The following ZGRF1 variants were observed in gnomAD, a reference collection of about 807,000 sequenced individuals.
The protein encoded by ZGRF1 is zinc finger GRF-type containing 1.
A neutral mutation model predicts 203.5 loss-of-function variants in ZGRF1; 196 were observed. That is an observed-to-expected ratio of 0.96 (90% CI 0.86 to 1.08). The LOEUF (loss-of-function observed/expected upper bound fraction) is 1.08. Ranked by LOEUF, ZGRF1 falls within the 50% of genes least tolerant of loss-of-function variation. The pLI, the probability that ZGRF1 is intolerant of heterozygous loss-of-function variation, is 0.00. For missense variants in ZGRF1, 2,326 were observed against 2,416.3 expected (o/e 0.96, Z 0.78); for synonymous variants, 809 against 841.3 (o/e 0.96, Z 0.66).
In ZGRF1 at chr4:112,560,758, A is replaced by G. The variant is rs149836784; in HGVS notation, c.4935T>C (p.His1645=). Residue 1645 remains histidine (H), a synonymous_variant, in exon 19 of 28, where the codon CAT becomes CAC. Transcript: ENST00000505019. ...SIEEVKELQT[H]TFPITIIHGV... ...CATGTATGATTGTGATAGGGAAGGT[A>G]TGAGTTTGCAGTTCCTTCACTTCTT... 1.0e-5 allele frequency: 16 copies of G among 1,595,234 alleles called. No individual in the cohort carries two copies. Among genetic ancestry groups the G allele is most frequent in the Non-Finnish European group, 1.4e-5 (16 of 1,165,200 alleles).
intron 16 of ZGRF1, among the ~76,000 whole-genome samples, chr4:112,576,167 G>A (rs1745174161): frequency 1.3e-5 from 2 of 152,234 alleles, no homozygotes; most frequent in African/African-American, 4.8e-5. Context: ...CAGGCAAACA[G>A]GGTCTGGAGT....
chr4:112,552,954 C>T (rs1194920866), intron 22 of ZGRF1, among the ~76,000 whole-genome samples: 1 of 152,220 alleles, frequency 6.6e-6, no homozygotes, highest in African/African-American at 2.4e-5. Context: ...CATGCCATAG[C>T]AACTGTTCTC....
At chr4:112,630,518 CA>C (rs894406772) in intron 3 of ZGRF1, among the ~76,000 whole-genome samples, 3 of 148,324 alleles carry the variant, frequency 2.0e-5, no homozygotes, top group Non-Finnish European at 4.5e-5. Flanking sequence ...AAATCCATCT[CA>C]AAAAAAAAGA....
Position 112,560,979 on chromosome 4 carries a change from C to A in ZGRF1, c.4714G>T (p.Val1572Phe), listed in dbSNP as rs771407618. Residue 1572 changes from valine (V) to phenylalanine (F), a missense_variant, in exon 19 of 28, where the codon GTT becomes TTT. Val to Phe is a conservative substitution (Grantham distance 50). Transcript: ENST00000505019. The stretch of plus-strand genomic sequence containing the variant: ...CTCTTACTGACTCTTTTGTTACTAA[C>A]TATAGTTGGCGAAGACCTAATAAAA... ...YLLTTSSPTIVSNKRVSKRKF... is the reference protein window; with the variant it reads ...YLLTTSSPTIFSNKRVSKRKF... 5.0e-6 allele frequency: 8 copies of A among 1,608,722 alleles called. No homozygotes were observed. The highest frequency in any genetic ancestry group is 6.8e-6 in the Non-Finnish European group (8 of 1,176,462).
At chr4:112,629,105 T>G (rs2047327685) in intron 3 of ZGRF1, among the ~76,000 whole-genome samples, 1 of 152,178 alleles carries the variant, frequency 6.6e-6, no homozygotes, top group African/African-American at 2.4e-5. Context: ...CCCTTGGTGA[T>G]GGTGTTCAAG....
At chr4:112,636,385 G>A (rs2047638480) in intron 1 of ZGRF1, among the ~76,000 whole-genome samples, 1 of 152,008 alleles carries the variant, frequency 6.6e-6, no homozygotes, top group South Asian at 2.1e-4. Context: ...TTAAATACTA[G>A]ATATTTTTCC....
chr4:112,582,076 G>T (rs1281943502), intron 15 of ZGRF1, among the ~76,000 whole-genome samples: 3 of 151,998 alleles, frequency 2.0e-5, no homozygotes, highest in Non-Finnish European at 4.4e-5. Flanking sequence ...TTGTTTATTG[G>T]TATATAATAG....
chr4:112,545,214 G>GA (rs952885030), intron 24 of ZGRF1, among the ~76,000 whole-genome samples: 13 of 145,226 alleles, frequency 9.0e-5, no homozygotes, highest in South Asian at 2.2e-4. Flanking sequence ...CAACAAAATG[G>GA]AAAAAAAAAT....
At chr4:112,541,534 GTTT>G (rs35774230) in intron 24 of ZGRF1, among the ~76,000 whole-genome samples, 1 of 135,278 alleles carries the variant, frequency 7.4e-6, no homozygotes, top group Non-Finnish European at 1.6e-5. Context: ...TTTTTGTTTT[GTTT>G]TTTTTTTTTT....
chr4:112,616,811 T>C (rs917565369), intron 6 of ZGRF1, among the ~76,000 whole-genome samples: 1 of 148,258 alleles, frequency 6.7e-6, no homozygotes, highest in South Asian at 2.2e-4. Context: ...CACTGCAGCC[T>C]GGACGACAAG....
chr4:112,634,861 G>A (rs1386900490), intron 1 of ZGRF1, among the ~76,000 whole-genome samples: 1 of 152,074 alleles, frequency 6.6e-6, no homozygotes, highest in African/African-American at 2.4e-5. Flanking sequence ...GCCGGGTGTG[G>A]TGACTCACGC....
chr4:112,629,089 A>G (rs1484588558), intron 3 of ZGRF1, among the ~76,000 whole-genome samples: 1 of 152,178 alleles, frequency 6.6e-6, no homozygotes, highest in Non-Finnish European at 1.5e-5. Flanking sequence ...ACAAGGCTCG[A>G]CATGTCCCTT....
At chr4:112,612,064 C>T (rs1050321722) in intron 7 of ZGRF1, among the ~76,000 whole-genome samples, 3 of 151,802 alleles carry the variant, frequency 2.0e-5, no homozygotes, top group African/African-American at 7.3e-5. Context: ...CTCCTGGGTT[C>T]AAGTGATTCT....
intron 16 of ZGRF1, among the ~76,000 whole-genome samples, chr4:112,574,049 G>A (rs941131989): frequency 6.6e-6 from 1 of 152,174 alleles, no homozygotes; most frequent in African/African-American, 2.4e-5. Context: ...GAGCCACTTT[G>A]GAAATCAGTT....
chr4:112,617,767 G>A lies in ZGRF1; in HGVS notation c.2275C>T (p.His759Tyr). 1 of 1,614,028 alleles carries A rather than the reference G, an allele frequency of 6.2e-7. No homozygotes were observed. ...GGGTAAAACAAAGAATTGGAAATGTGGGTATTTGATTTATCAAGTGCAATA... is the reference window on the plus strand; with the variant it reads ...GGGTAAAACAAAGAATTGGAAATGTAGGTATTTGATTTATCAAGTGCAATA... ...ECIALDKSNTHISNSLFYPLG... is the reference protein window; with the variant it reads ...ECIALDKSNTYISNSLFYPLG... Residue 759 changes from histidine (H) to tyrosine (Y), a missense_variant, in exon 6 of 28, where the codon CAC becomes TAC. By Grantham distance (83) the His-to-Tyr change is moderately conservative. Coordinates refer to ENST00000505019, the MANE Select transcript of ZGRF1 (RefSeq NM_018392.5).
At chr4:112,633,290 A>G (rs915462193) in intron 1 of ZGRF1, 48 bp from the exon 2 acceptor site, 1 of 845,780 alleles carries the variant, frequency 1.2e-6, no homozygotes, top group Admixed American at 2.5e-5. Context: ...TTTAAAAAAT[A>G]TCAAATATAA....
rs372864607 is a variant in ZGRF1, at chr4:112,617,947, C to G, written c.2095G>C (p.Ala699Pro). ...LHIPHIQNQI[A>P]ENSNLFSEDA... ...TCTGAAAATAGATTACTGTTTTCAGCAATCTGGTTTTGAATATGAGGAATA... is the reference window on the plus strand; with the variant it reads ...TCTGAAAATAGATTACTGTTTTCAGGAATCTGGTTTTGAATATGAGGAATA... Residue 699 changes from alanine (A) to proline (P), a missense_variant, in exon 6 of 28, where the codon GCT becomes CCT. Coordinates refer to ENST00000505019, the MANE Select transcript of ZGRF1 (RefSeq NM_018392.5). 1.2e-6 allele frequency: 2 copies of G among 1,613,144 alleles called. No individual in the cohort carries two copies. The highest frequency in any genetic ancestry group is 1.7e-6 in the Non-Finnish European group (2 of 1,179,918).
intron 10 of ZGRF1, among the ~76,000 whole-genome samples, chr4:112,591,494 A>C (rs1473625712): frequency 6.6e-6 from 1 of 152,088 alleles, no homozygotes; most frequent in African/African-American, 2.4e-5. Flanking sequence ...AATGGCTCCC[A>C]ATCTCTCTTA....
At chr4:112,631,537 T>A (rs1560892879) in intron 3 of ZGRF1, among the ~76,000 whole-genome samples, 1 of 151,934 alleles carries the variant, frequency 6.6e-6, no homozygotes, top group Middle Eastern at 3.4e-3. Flanking sequence ...TCAGGCATGG[T>A]GTCGGGTGCC....
Sources: allele counts gnomAD v4.1 joint callset (sites outside exome capture counted in the v4.1 genomes callset), GRCh38; gene constraint gnomAD v4.1.1; transcripts MANE v1.5; gene names NCBI Gene and HGNC (gene_info 2026-07-23, HGNC 2026-07-21).